CNKSR2: variants seen among roughly 807,000 people sequenced by gnomAD.
CNKSR2 encodes connector enhancer of kinase suppressor of Ras 2.
In CNKSR2, 14 loss-of-function variants were observed where a neutral mutation model predicts 84.4. That is an observed-to-expected ratio of 0.17 (90% CI 0.11 to 0.26). CNKSR2 has a LOEUF of 0.26. Ranked by LOEUF, CNKSR2 falls within the 10% of genes least tolerant of loss-of-function variation. The pLI, the probability that CNKSR2 is intolerant of heterozygous loss-of-function variation, is 1.00. For missense variants in CNKSR2, 485 were observed against 771.2 expected (o/e 0.63, Z 4.40); for synonymous variants, 275 against 277.9 (o/e 0.99, Z 0.10).
chrX:21,417,975 TCTTC>T (rs758520043), intron 1 of CNKSR2, among the ~76,000 whole-genome samples: 131 of 111,738 alleles, frequency 1.2e-3, no homozygotes, highest in Non-Finnish European at 1.5e-3. Context: ...TTTTATGGTC[TCTTC>T]CTTCTTTCTT....
At chrX:21,635,832 C>T (rs1295592956) in intron 20 of CNKSR2, among the ~76,000 whole-genome samples, 1 of 110,256 alleles carries the variant, frequency 9.1e-6, no homozygotes, top group Non-Finnish European at 1.9e-5. Context: ...GCACACATAC[C>T]CTTATCTATT....
chrX:21,383,806 C>T (rs2034212386), intron 1 of CNKSR2, among the ~76,000 whole-genome samples: 1 of 110,873 alleles, frequency 9.0e-6, no homozygotes, highest in Non-Finnish European at 1.9e-5. Flanking sequence ...GGCTTAGATC[C>T]TAGATTTTCC....
chrX:21,436,763 A>G (rs1035388592), intron 3 of CNKSR2, among the ~76,000 whole-genome samples: 3 of 111,033 alleles, frequency 2.7e-5, no homozygotes, highest in African/African-American at 6.5e-5. Context: ...CAGTTATTCT[A>G]CAGAGATCTA....
intron 2 of CNKSR2, chrX:21,429,230 A>G (rs1569163252): frequency 8.9e-6 from 1 of 112,346 alleles, no homozygotes; most frequent in Non-Finnish European, 1.9e-5. Context: ...GTTCTGGCAC[A>G]TGGTAATGGC....
At position 21,627,866 on chromosome X, in the gene CNKSR2, A is replaced by G. The variant is rs897981824; in HGVS notation, c.2692+18249A>G. Among the ~76,000 whole-genome samples, 5 of 111,076 alleles carry G rather than the reference A, an allele frequency of 4.5e-5. No individual in the cohort carries two copies. In the Admixed American group the frequency reaches 4.8e-4, roughly 11 times the overall value. ...GGCCCCTCCCAAATCCCATGTCCTC[A>G]CATTTCAAAACCAATCCTGCCTTCC... On this transcript the variant is annotated intron_variant, in intron 20 of 21. Transcript: ENST00000379510.
intron 5 of CNKSR2, among the ~76,000 whole-genome samples, chrX:21,477,127 G>A (rs763198098): frequency 5.4e-5 from 6 of 111,320 alleles, no homozygotes; most frequent in Non-Finnish European, 1.1e-4. Flanking sequence ...AACACTTGTC[G>A]GCTTTGATTA....
intron 5 of CNKSR2, among the ~76,000 whole-genome samples, chrX:21,472,507 G>T (rs1309179623): frequency 9.0e-6 from 1 of 111,689 alleles, no homozygotes; most frequent in African/African-American, 3.3e-5. Flanking sequence ...GCATCTCATG[G>T]TATTTGTTTT....
intron 1 of CNKSR2, among the ~76,000 whole-genome samples, chrX:21,380,413 G>C (rs948851485): frequency 1.8e-4 from 19 of 107,016 alleles, no homozygotes; most frequent in Admixed American, 1.6e-3. Context: ...ATTTATAACA[G>C]AGCAACCCTA....
At chrX:21,429,577 T>C (rs1213501529) in intron 2 of CNKSR2, 1 of 111,325 alleles carries the variant, frequency 9.0e-6, no homozygotes, top group Non-Finnish European at 1.9e-5. Flanking sequence ...GGTATCTGTA[T>C]TGGTAGTAAT....
intron 1 of CNKSR2, among the ~76,000 whole-genome samples, chrX:21,376,357 T>G (rs966237238): frequency 1.8e-5 from 2 of 112,284 alleles, no homozygotes; most frequent in Non-Finnish European, 3.8e-5. Context: ...ACTTTGCTTT[T>G]CTTTTCTAAT....
At chrX:21,591,304 A>G in intron 15 of CNKSR2, 110 bp downstream of exon 15, 2 of 572,026 alleles carry the variant, frequency 3.5e-6, no homozygotes, top group Non-Finnish European at 5.3e-6. Flanking sequence ...CCAATTCAGT[A>G]GACTTCTGCT....
At chrX:21,593,365 G>T (rs1389063442) in intron 15 of CNKSR2, 2 of 111,681 alleles carry the variant, frequency 1.8e-5, no homozygotes, top group African/African-American at 6.5e-5. Context: ...TTTGTTTTGC[G>T]TGGAAGCTTA....
chrX:21,430,485 C>T (rs1324582740), intron 2 of CNKSR2, among the ~76,000 whole-genome samples: 1 of 111,127 alleles, frequency 9.0e-6, no homozygotes, highest in Non-Finnish European at 1.9e-5. Flanking sequence ...ATATCAGTTA[C>T]CAAGTTGAGT....
intron 20 of CNKSR2, chrX:21,641,463 C>T: frequency 8.9e-7 from 1 of 1,120,967 alleles, no homozygotes; most frequent in Non-Finnish European, 1.2e-6. Flanking sequence ...AATACAAATA[C>T]TAATATGCTT....
At chrX:21,562,463 G>T (rs891557772) in intron 12 of CNKSR2, among the ~76,000 whole-genome samples, 6 of 111,515 alleles carry the variant, frequency 5.4e-5, no homozygotes, top group African/African-American at 1.6e-4. Context: ...TGATTCATTA[G>T]TCTTCTTAAT....
rs778689572 is a variant in CNKSR2 at position 21,652,445 on chromosome X, T to G, written c.3029T>G (p.Leu1010Arg). 22 of 1,208,173 alleles carry G rather than the reference T, an allele frequency of 1.8e-5. No homozygotes were observed. The highest frequency in any genetic ancestry group is 2.5e-5 in the Non-Finnish European group (22 of 893,371). Reference protein sequence around the residue: ...ICQNTTSNDPLSISSEVDVIT... With the variant: ...ICQNTTSNDPRSISSEVDVIT... ...CAAAATACCACCTCAAATGACCCAC[T>G]GAGTATTTCTTCTGAAGTAGATGTA... The change falls in exon 22 of 22, where the codon CTG becomes CGG. Residue 1010 changes from leucine to arginine, a missense_variant. By Grantham distance (102) the Leu-to-Arg change is moderately radical (BLOSUM62 -2). Coordinates refer to ENST00000379510, the MANE Select transcript of CNKSR2 (RefSeq NM_014927.5).
chrX:21,378,107 A>G (rs1215082851), intron 1 of CNKSR2, among the ~76,000 whole-genome samples: 4 of 111,927 alleles, frequency 3.6e-5, no homozygotes, highest in Admixed American at 1.9e-4. Context: ...TGTCAATGTT[A>G]TTTCCAGTAA....
intron 4 of CNKSR2, among the ~76,000 whole-genome samples, chrX:21,453,187 G>T (rs762409790): frequency 4.5e-5 from 5 of 111,835 alleles, no homozygotes; most frequent in Non-Finnish European, 9.4e-5. Context: ...GGTCATATTT[G>T]CATCAGAACT....
chrX:21,573,865 T>A (rs1221671170), intron 13 of CNKSR2, among the ~76,000 whole-genome samples: 1 of 112,243 alleles, frequency 8.9e-6, no homozygotes, highest in African/African-American at 3.2e-5. Context: ...CTCATGCAAA[T>A]TTCTGCAGCA....
Sources: allele counts gnomAD v4.1 joint callset (sites outside exome capture counted in the v4.1 genomes callset), GRCh38; gene constraint gnomAD v4.1.1; transcripts MANE v1.5; gene names NCBI Gene and HGNC (gene_info 2026-07-23, HGNC 2026-07-21).